Variants in CACNA1C observed in about 807,000 individuals in gnomAD.
CACNA1C encodes the protein voltage-dependent L-type calcium channel subunit alpha-1C.
In CACNA1C, 30 loss-of-function variants were observed where a neutral mutation model predicts 229.0. The observed-to-expected ratio is 0.13, with a 90% CI of 0.10 to 0.18. CACNA1C has a LOEUF of 0.18. Among genes scored for constraint, CACNA1C ranks in the 10% least tolerant of loss-of-function variants. The pLI, the probability that CACNA1C is intolerant of heterozygous loss-of-function variation, is 1.00. For synonymous variants in CACNA1C, 1,114 were observed against 1,132.5 expected (o/e 0.98, Z 0.33); for missense variants, 1,658 against 2,845.0 (o/e 0.58, Z 9.49).
At chr12:2,669,101 C>A (rs546258437) in intron 38 of CACNA1C, 66 bp downstream of exon 38, 3 of 1,134,166 alleles carry the variant, frequency 2.6e-6, no homozygotes, top group South Asian at 1.2e-5. Context: ...GAGAGGAGCT[C>A]GGCAGCCTGC....
At chr12:2,186,252 T>G (rs2097001832) in intron 3 of CACNA1C, among the ~76,000 whole-genome samples, 1 of 152,152 alleles carries the variant, frequency 6.6e-6, no homozygotes. Flanking sequence ...CGGCATTTAG[T>G]CACAGTCCCC....
intron 11 of CACNA1C, 53 bp downstream of exon 11, chr12:2,557,030 AG>A: frequency 6.5e-7 from 1 of 1,536,924 alleles, no homozygotes; most frequent in African/African-American, 1.4e-5. Context: ...CTCTGTCTTC[AG>A]CCACCCTGTT....
Position 2,512,738 on chromosome 12 carries a change from C to A in CACNA1C, c.1218-74C>A. 3.5e-6 allele frequency: 4 copies of A among 1,138,236 alleles called. No homozygotes were observed. The highest frequency in any genetic ancestry group is 4.9e-6 in the Non-Finnish European group (4 of 812,838). 70.5% of individuals were successfully genotyped at this position (1,138,236 alleles called of 1,614,324 possible). A position where few individuals can be genotyped will look rare whatever the true frequency, so the allele number is the denominator to read the frequency against. On this transcript the variant is annotated intron_variant, in intron 8 of 46. Coordinates refer to ENST00000399655, the MANE Select transcript of CACNA1C (RefSeq NM_000719.7). This position sits in a 1 kb window ranked among gnomAD's most constrained non-coding sequence, Gnocchi z 4.3. Reference sequence around the variant, plus strand: ...TTTCTCCTTATCTCCATCTCTCCTTCCATCCTCGACCCTTCTCGGTGCTCC... The same window carrying A: ...TTTCTCCTTATCTCCATCTCTCCTTACATCCTCGACCCTTCTCGGTGCTCC...
chr12:2,686,186 C>T lies in CACNA1C; in HGVS notation c.5701C>T (p.Leu1901=), dbSNP rs2097474344. The change falls in exon 45 of 47, where the codon CTG becomes TTG. Residue 1901 remains leucine, a synonymous_variant. Coordinates refer to ENST00000399655, the MANE Select transcript of CACNA1C (RefSeq NM_000719.7). The part of the protein sequence containing the change: ...ASLGRRASFH[L]ECLKRQKDRG... ...TGCAGGTCGAAGGGCCTCCTTCCAC[C>T]TGGAATGTCTGAAGCGACAGAAGGA... 2 of 1,613,992 alleles carry T rather than the reference C, an allele frequency of 1.2e-6. No homozygotes were observed. Among genetic ancestry groups the T allele is most frequent in the Non-Finnish European group, 1.7e-6 (2 of 1,179,864 alleles).
intron 3 of CACNA1C, among the ~76,000 whole-genome samples, chr12:2,295,401 A>G (rs2093944124): frequency 6.6e-6 from 1 of 152,168 alleles, no homozygotes; most frequent in Admixed American, 6.5e-5. Flanking sequence ...CATGCCTCTC[A>G]GTGAAACGTC....
intron 3 of CACNA1C, among the ~76,000 whole-genome samples, chr12:2,318,534 T>G (rs1466167780): frequency 1.3e-5 from 2 of 152,220 alleles, no homozygotes. Flanking sequence ...CTACGCCCTG[T>G]GCTACGCTTC....
chr12:2,357,827 C>T (rs560673238), intron 3 of CACNA1C, among the ~76,000 whole-genome samples: 217 of 151,958 alleles, frequency 1.4e-3, no homozygotes, highest in Non-Finnish European at 2.3e-3. Context: ...AAAAATTAGC[C>T]AGGCATGGTG....
rs139457782 is a variant in CACNA1C, at chr12:2,639,599, G to A, written c.3912+5219G>A. On this transcript the variant is annotated intron_variant, in intron 30 of 46. Transcript: ENST00000399655. The surrounding 1 kb of genome is among the most constrained non-coding windows in gnomAD (Gnocchi z 4.2). Reference sequence around the variant, plus strand: ...ATTTCCTTGAATGCAAAAGTGAGGAGTGAGAGGTTTAGGATGGTCTCTTGC... The same window carrying A: ...ATTTCCTTGAATGCAAAAGTGAGGAATGAGAGGTTTAGGATGGTCTCTTGC... 1.4e-3 allele frequency among the ~76,000 whole-genome samples: 214 copies of A among 152,322 alleles called. 3 individuals carry two copies. The highest frequency in any genetic ancestry group is 5.1e-3 in the African/African-American group (211 of 41,580).
At chr12:2,208,275 A>G (rs1437318067) in intron 3 of CACNA1C, among the ~76,000 whole-genome samples, 1 of 152,252 alleles carries the variant, frequency 6.6e-6, no homozygotes, top group East Asian at 1.9e-4. Context: ...ACACAGCACA[A>G]CATGATTCAA....
intron 3 of CACNA1C, among the ~76,000 whole-genome samples, chr12:2,347,056 GTT>G (rs1414820695): frequency 6.6e-6 from 1 of 152,154 alleles, no homozygotes; most frequent in Non-Finnish European, 1.5e-5. Flanking sequence ...TCACACCGCA[GTT>G]TTAGCCTGTC....
At chr12:2,688,351 C>T (rs1356236616) in intron 45 of CACNA1C, 96 bp from the exon 46 acceptor site, 10 of 1,147,768 alleles carry the variant, frequency 8.7e-6, no homozygotes, top group South Asian at 1.3e-5. Flanking sequence ...GCTAGCTGGA[C>T]ACAGCAGCTG....
At chr12:2,280,990 T>G (rs1300637701) in intron 3 of CACNA1C, among the ~76,000 whole-genome samples, 1 of 152,202 alleles carries the variant, frequency 6.6e-6, no homozygotes, top group African/African-American at 2.4e-5. Context: ...ACTTTAAGTT[T>G]TAGGGTACAT....
chr12:2,421,384 G>A (rs941279143), intron 3 of CACNA1C, among the ~76,000 whole-genome samples: 2 of 152,150 alleles, frequency 1.3e-5, no homozygotes, highest in East Asian at 1.9e-4. Context: ...AACTTTGCAC[G>A]CTTGAAGTTT....
chr12:2,176,804 GATACA>G (rs1342087918), intron 3 of CACNA1C, among the ~76,000 whole-genome samples: 4 of 152,164 alleles, frequency 2.6e-5, no homozygotes, highest in Non-Finnish European at 4.4e-5. Flanking sequence ...CTGAAAGTGG[GATACA>G]CGAGGACAAT....
chr12:2,216,036 G>T (rs968128568), intron 3 of CACNA1C, among the ~76,000 whole-genome samples: 3 of 152,234 alleles, frequency 2.0e-5, no homozygotes, highest in African/African-American at 7.2e-5. Flanking sequence ...GTGTCCTAGG[G>T]TGTTAGAGGA....
chr12:2,311,658 T>C (rs752538068), intron 3 of CACNA1C, among the ~76,000 whole-genome samples: 6 of 152,210 alleles, frequency 3.9e-5, no homozygotes, highest in Non-Finnish European at 7.3e-5. Flanking sequence ...GTCAGAGGCT[T>C]CTTTAGCCAG....
At chr12:2,129,559 T>A (rs1217935624) in intron 3 of CACNA1C, among the ~76,000 whole-genome samples, 3 of 152,220 alleles carry the variant, frequency 2.0e-5, no homozygotes, top group Non-Finnish European at 4.4e-5. Flanking sequence ...GTACCAAACT[T>A]CTTGTAATTT....
intron 3 of CACNA1C, among the ~76,000 whole-genome samples, chr12:2,304,716 C>T (rs550230816): frequency 2.0e-5 from 3 of 152,300 alleles, no homozygotes; most frequent in African/African-American, 7.2e-5. Context: ...CAGCCCTCTG[C>T]ACCACACAGG....
At chr12:2,205,034 C>T (rs1037872989) in intron 3 of CACNA1C, among the ~76,000 whole-genome samples, 11 of 152,166 alleles carry the variant, frequency 7.2e-5, no homozygotes, top group Non-Finnish European at 1.3e-4. Context: ...AGAACCTCCT[C>T]CCTTCCCAGG....
Sources: gnomAD v4.1 joint callset for allele counts (sites outside exome capture counted in the v4.1 genomes callset) on GRCh38, gnomAD v4.1.1 for gene constraint, Gnocchi (gnomAD v3.1) non-coding constraint, MANE v1.5 for transcripts, NCBI Gene and HGNC (gene_info 2026-07-23, HGNC 2026-07-21) for gene names.